The following RIT2 variants were observed in gnomAD, a reference collection of about 807,000 sequenced individuals.
RIT2 encodes the protein GTP-binding protein Rit2.
In RIT2, 24 loss-of-function variants were observed where a neutral mutation model predicts 23.7. That is an observed-to-expected ratio of 1.01 (90% CI 0.73 to 1.43). The LOEUF (loss-of-function observed/expected upper bound fraction) is 1.43, where lower values mean the gene tolerates loss of function less well. RIT2 is among the 40% of genes most tolerant of loss of function. The pLI is 0.00. For missense variants in RIT2, 236 were observed against 266.9 expected (o/e 0.88, Z 0.81); for synonymous variants, 107 against 91.1 (o/e 1.17, Z -0.99).
intron 4 of RIT2, among the ~76,000 whole-genome samples, chr18:42,760,807 T>C (rs1913282640): frequency 6.6e-6 from 1 of 152,236 alleles, no homozygotes; most frequent in African/African-American, 2.4e-5. Flanking sequence ...TGTTTATTCA[T>C]TTAACGCATG....
chr18:43,010,836 C>T (rs1290009531), intron 2 of RIT2, among the ~76,000 whole-genome samples: 1 of 151,608 alleles, frequency 6.6e-6, no homozygotes, highest in Non-Finnish European at 1.5e-5. Context: ...TGTACGTGTT[C>T]AACATTACAT....
intron 1 of RIT2, among the ~76,000 whole-genome samples, chr18:43,060,063 C>A (rs1186742923): frequency 6.6e-6 from 1 of 152,094 alleles, no homozygotes; most frequent in East Asian, 1.9e-4. Context: ...TCCATGACAA[C>A]ACAGCATATT....
chr18:42,945,557 T>C (rs1453912774), intron 3 of RIT2, among the ~76,000 whole-genome samples: 1 of 152,132 alleles, frequency 6.6e-6, no homozygotes, highest in Non-Finnish European at 1.5e-5. Context: ...TTATGGGTGG[T>C]GTTGTTGAGT....
At chr18:42,747,594 A>G (rs755742732) in intron 4 of RIT2, among the ~76,000 whole-genome samples, 3 of 152,054 alleles carry the variant, frequency 2.0e-5, no homozygotes, top group Non-Finnish European at 4.4e-5. Context: ...CCAAAGAAAG[A>G]CTAAGCATAA....
At chr18:43,071,474 T>C (rs1231629545) in intron 1 of RIT2, among the ~76,000 whole-genome samples, 1 of 152,184 alleles carries the variant, frequency 6.6e-6, no homozygotes, top group Admixed American at 6.5e-5. Context: ...GAGTCTCTGA[T>C]TGACAGTTGG....
chr18:43,067,511 C>A (rs187262627), intron 1 of RIT2, among the ~76,000 whole-genome samples: 1 of 151,994 alleles, frequency 6.6e-6, no homozygotes, highest in Middle Eastern at 3.2e-3. Context: ...TACATGGGTT[C>A]GGTGCAGAAA....
intron 1 of RIT2, among the ~76,000 whole-genome samples, chr18:43,064,915 C>T (rs1294843132): frequency 6.6e-6 from 1 of 152,140 alleles, no homozygotes; most frequent in African/African-American, 2.4e-5. Flanking sequence ...CTCCTGGGTT[C>T]AAGCAATTCT....
chr18:42,952,064 G>T (rs1485751254), intron 3 of RIT2, among the ~76,000 whole-genome samples: 1 of 152,064 alleles, frequency 6.6e-6, no homozygotes, highest in Non-Finnish European at 1.5e-5. Flanking sequence ...GCATGGGAAA[G>T]ACCCACCCCC....
At chr18:42,996,477 A>G (rs973567658) in intron 2 of RIT2, among the ~76,000 whole-genome samples, 1 of 152,014 alleles carries the variant, frequency 6.6e-6, no homozygotes, top group African/African-American at 2.4e-5. Context: ...CCATTCCTGC[A>G]TTAACTGATG....
intron 4 of RIT2, among the ~76,000 whole-genome samples, chr18:42,920,987 A>T (rs1257942118): frequency 6.6e-6 from 1 of 151,976 alleles, no homozygotes; most frequent in Non-Finnish European, 1.5e-5. Context: ...CCTTTCAGAT[A>T]CTGATGAACA....
chr18:42,877,520 C>CTATATATATA (rs144405918), intron 4 of RIT2, among the ~76,000 whole-genome samples: 1,718 of 143,718 alleles, frequency 0.012, 10 homozygotes, highest in East Asian at 0.034. Flanking sequence ...TTTGTATACA[C>CTATATATATA]TATATATATA....
chr18:42,940,271 C>CATATATATATATATATATAT (rs1909567370), intron 3 of RIT2, among the ~76,000 whole-genome samples: 1 of 83,988 alleles, frequency 1.2e-5, no homozygotes, highest in African/African-American at 5.1e-5. Context: ...TATATATATG[C>CATATATATATATATATATAT]ACACACACAT....
At chr18:43,063,971 GT>G (rs1912712482) in intron 1 of RIT2, among the ~76,000 whole-genome samples, 1 of 152,102 alleles carries the variant, frequency 6.6e-6, no homozygotes, top group Non-Finnish European at 1.5e-5. Context: ...TCAATCACTG[GT>G]TTTACAGATG....
At chr18:42,833,290 T>C (rs1006948219) in intron 4 of RIT2, among the ~76,000 whole-genome samples, 2 of 152,270 alleles carry the variant, frequency 1.3e-5, no homozygotes, top group East Asian at 3.9e-4. Context: ...AACCTCTAGT[T>C]CCATGTTGCT....
intron 4 of RIT2, among the ~76,000 whole-genome samples, chr18:42,797,898 G>A (rs1905420729): frequency 6.6e-6 from 1 of 152,130 alleles, no homozygotes; most frequent in Non-Finnish European, 1.5e-5. Flanking sequence ...TTACAAGAAG[G>A]TGGACAAATA....
chr18:42,884,946 C>T (rs140226910), intron 4 of RIT2, among the ~76,000 whole-genome samples: 1 of 152,306 alleles, frequency 6.6e-6, no homozygotes, highest in African/African-American at 2.4e-5. Context: ...TTTTTAACCA[C>T]TTGCAAAAAG....
intron 3 of RIT2, among the ~76,000 whole-genome samples, chr18:42,953,635 T>A (rs1049482660): frequency 6.6e-6 from 1 of 152,172 alleles, no homozygotes; most frequent in Admixed American, 6.6e-5. Context: ...CAAAGACATA[T>A]CTGAGAGGAG....
chr18:43,115,539 GA>G lies in RIT2; in HGVS notation c.-21del, dbSNP rs1487905542. 7 of 1,597,758 alleles carry G rather than the reference GA, an allele frequency of 4.4e-6. No individual in the cohort carries two copies. Among genetic ancestry groups the G allele is most frequent in the South Asian group, 1.1e-5 (1 of 88,490 alleles). On this transcript the variant is annotated 5_prime_UTR_variant, in exon 1 of 5. Transcript: ENST00000326695. Reference sequence around the variant, plus strand: ...CTCCATCTTACCCGAGGGACCGGAGGAAAAAAAGAAGGAGAAAGTCACCCGT... The same window carrying G: ...CTCCATCTTACCCGAGGGACCGGAGGAAAAAAGAAGGAGAAAGTCACCCGT...
At chr18:43,057,718 C>G (rs974407546) in intron 1 of RIT2, among the ~76,000 whole-genome samples, 2 of 151,370 alleles carry the variant, frequency 1.3e-5, no homozygotes, top group African/African-American at 4.9e-5. Context: ...CATATTCCAC[C>G]CAGGAACATC....
Sources: allele counts gnomAD v4.1 joint callset (sites outside exome capture counted in the v4.1 genomes callset), GRCh38; gene constraint gnomAD v4.1.1; transcripts MANE v1.5; gene names NCBI Gene and HGNC (gene_info 2026-07-23, HGNC 2026-07-21).